The following THOC7 variants were observed in gnomAD, a reference collection of about 807,000 sequenced individuals.
The protein encoded by THOC7 is THO complex subunit 7.
In THOC7, 22 loss-of-function variants were observed where a neutral mutation model predicts 33.1. The observed-to-expected ratio is 0.66, with a 90% CI of 0.47 to 0.95. THOC7 has a LOEUF of 0.95. Ranked by LOEUF, THOC7 falls within the 40% of genes least tolerant of loss-of-function variation. THOC7 has a pLI of 0.00. For missense variants in THOC7, 184 were observed against 245.3 expected, an observed-to-expected ratio of 0.75 and a Z score of 1.67; for synonymous variants, 77 against 76.8, an observed-to-expected ratio of 1.00 and a Z score of -0.01.
intron 1 of THOC7, among the ~76,000 whole-genome samples, chr3:63,851,592 A>G (rs913572565): frequency 2.0e-5 from 3 of 152,222 alleles, no homozygotes; most frequent in Admixed American, 6.5e-5. Context: ...TGGGTATAAT[A>G]ATGAAGTTCC....
intron 1 of THOC7, chr3:63,844,972 A>C (rs564130113): frequency 8.1e-5 from 53 of 658,014 alleles, no homozygotes; most frequent in African/African-American, 7.2e-4. Context: ...TAGAATCATA[A>C]ATAAAGACAA....
intron 1 of THOC7, among the ~76,000 whole-genome samples, chr3:63,840,644 C>T (rs902201085): frequency 2.0e-5 from 3 of 152,096 alleles, no homozygotes; most frequent in Admixed American, 1.3e-4. Context: ...TGATGGCCAA[C>T]AAGTGGGGTC....
intron 1 of THOC7, among the ~76,000 whole-genome samples, chr3:63,860,418 A>G (rs1010825267): frequency 2.4e-4 from 36 of 152,326 alleles, no homozygotes; most frequent in Middle Eastern, 3.4e-3. Context: ...GATGTGCTAC[A>G]AAACAGCTCT....
At chr3:63,836,857 AC>A (rs1206910376) in intron 4 of THOC7, among the ~76,000 whole-genome samples, 1 of 151,930 alleles carries the variant, frequency 6.6e-6, no homozygotes, top group Non-Finnish European at 1.5e-5. Context: ...CTCCACTGAG[AC>A]CTCCAAGATA....
At chr3:63,841,064 C>G (rs571954620) in intron 1 of THOC7, among the ~76,000 whole-genome samples, 2 of 152,262 alleles carry the variant, frequency 1.3e-5, no homozygotes, top group Middle Eastern at 6.8e-3. Context: ...GAAACATTCA[C>G]ATAATGTAAT....
At chr3:63,841,282 T>C (rs1044829326) in intron 1 of THOC7, among the ~76,000 whole-genome samples, 1 of 152,306 alleles carries the variant, frequency 6.6e-6, no homozygotes, top group East Asian at 1.9e-4. Flanking sequence ...CACAAGAAAC[T>C]TGTAATAGCG....
At chr3:63,851,583 G>T (rs1271176837) in intron 1 of THOC7, among the ~76,000 whole-genome samples, 1 of 152,174 alleles carries the variant, frequency 6.6e-6, no homozygotes, top group Non-Finnish European at 1.5e-5. Flanking sequence ...AATCTTCCGT[G>T]GGTATAATAA....
chr3:63,863,960 CCGCCGCCGCCGCCGCCG>C (rs770789690), upstream of THOC7: 39,641 of 134,622 alleles, frequency 0.29, 6,446 homozygotes, highest in East Asian at 0.46. Context: ...CGCGCCGCCG[CCGCCGCCGCCGCCGCCG>C]CGGGACCCGC....
rs540038421 is a variant in THOC7 at position 63,862,932 on chromosome 3, C to G, written c.19+840G>C. On this transcript the variant is annotated intron_variant, in intron 1 of 7. Coordinates refer to ENST00000295899, the MANE Select transcript of THOC7 (RefSeq NM_025075.4). ...TCCCTTAGACTGTCCACAAACCCAGCCTTTGCCCCTCTAAATTCATCCCAG... is the reference window on the plus strand; with the variant it reads ...TCCCTTAGACTGTCCACAAACCCAGGCTTTGCCCCTCTAAATTCATCCCAG... Among the ~76,000 whole-genome samples the G allele has an allele frequency of 7.2e-5, 11 of 152,154 alleles. No homozygotes were observed. The East Asian group carries it at 2.1e-3, about 29-fold the overall frequency.
chr3:63,848,790 G>GT (rs539209205), intron 1 of THOC7, among the ~76,000 whole-genome samples: 5 of 151,608 alleles, frequency 3.3e-5, no homozygotes, highest in Non-Finnish European at 7.4e-5. Flanking sequence ...AAACATTGCT[G>GT]TTTTTTTTAA....
At chr3:63,836,606 G>C (rs542421116) in intron 4 of THOC7, among the ~76,000 whole-genome samples, 1 of 151,912 alleles carries the variant, frequency 6.6e-6, no homozygotes, top group Middle Eastern at 3.2e-3. Context: ...TGGACAGAAC[G>C]TAAGAGGTCA....
chr3:63,837,872 C>T (rs1701665983), intron 4 of THOC7, 104 bp downstream of exon 4: 7 of 934,908 alleles, frequency 7.5e-6, no homozygotes, highest in South Asian at 2.1e-5. Flanking sequence ...TTTTTTAATC[C>T]AGGTTGATTC....
At chr3:63,838,186 A>G in intron 3 of THOC7, 124 bp from the exon 4 acceptor site, 1 of 997,114 alleles carries the variant, frequency 1.0e-6, no homozygotes, top group Non-Finnish European at 1.5e-6. Context: ...TTTAAAAAAT[A>G]GCTGTAACCC....
In THOC7 at chr3:63,838,018, T is replaced by A. The variant is rs1164754115; in HGVS notation, c.310A>T (p.Lys104Ter). 6.2e-7 allele frequency: 1 copy of A among 1,609,996 alleles called. No homozygotes were observed. Among genetic ancestry groups the A allele is most frequent in the Non-Finnish European group, 8.5e-7 (1 of 1,178,542 alleles). ...ATTCGTTTTGCTTGAAGAATTTGCT[T>A]TTTGCACTCAGCAATTTTTTCATGT... ...GAHEKIAECK[K>*]QILQAKRIRK... is the part of the protein sequence containing the mutation. Residue 104 changes from lysine to a stop codon, truncating the protein, a stop_gained, in exon 4 of 8, where the codon AAG becomes TAG. Transcript: ENST00000295899. LOFTEE classifies it high-confidence loss of function.
chr3:63,842,513 C>G (rs1307575108), intron 1 of THOC7, among the ~76,000 whole-genome samples: 1 of 152,116 alleles, frequency 6.6e-6, no homozygotes, highest in Admixed American at 6.5e-5. Context: ...GAATACTACT[C>G]AGCCATAAAA....
At position 63,836,402 on chromosome 3, in the gene THOC7, T is replaced by C. The variant is rs371821963; in HGVS notation, c.353-44A>G. On this transcript the variant is annotated intron_variant, in intron 4 of 7. Transcript: ENST00000295899. ...TTTATCAAACTAAGGATTTTTTGAA[T>C]GTGAATTATCAAAACAAAATGTGTA... 6.3e-6 allele frequency: 10 copies of C among 1,585,826 alleles called. No individual in the cohort carries two copies. In the African/African-American group the frequency reaches 1.1e-4, roughly 17 times the overall value.
chr3:63,842,371 A>T (rs1048344837), intron 1 of THOC7, among the ~76,000 whole-genome samples: 1 of 152,184 alleles, frequency 6.6e-6, no homozygotes, highest in Admixed American at 6.5e-5. Flanking sequence ...GTGGAATGTA[A>T]ATTAGTACAG....
rs763110226 is a variant in THOC7 at position 63,838,490 on chromosome 3, C to A, written c.147G>T (p.Gln49His). 1.3e-6 allele frequency: 2 copies of A among 1,584,108 alleles called. No individual in the cohort carries two copies. The highest frequency in any genetic ancestry group is 1.7e-6 in the Non-Finnish European group (2 of 1,172,516). ...ACAGCGTGCTCAGCATACGTTGGTA[C>A]TGGCTATATCTAATGAAAAAGAAAG... ...NSGSQEEGYS[Q>H]YQRMLSTLSQ... The change falls in exon 3 of 8, where the codon CAG (glutamine) becomes CAT (histidine). Residue 49 changes from glutamine (Q) to histidine (H), a missense_variant. Physicochemically the swap from Gln to His is conservative, Grantham distance 24. Transcript: ENST00000295899.
intron 1 of THOC7, among the ~76,000 whole-genome samples, chr3:63,854,095 G>A (rs907864286): frequency 9.2e-5 from 14 of 152,244 alleles, no homozygotes; most frequent in Non-Finnish European, 1.6e-4. Context: ...AGGTCATGGC[G>A]TTTCTAGCTG....
Sources: allele counts gnomAD v4.1 joint callset (sites outside exome capture counted in the v4.1 genomes callset), GRCh38; gene constraint gnomAD v4.1.1; transcripts MANE v1.5; gene names NCBI Gene and HGNC (gene_info 2026-07-23, HGNC 2026-07-21).